GTPBP10: variants seen among roughly 807,000 people sequenced by gnomAD.
The protein encoded by GTPBP10 is GTP binding protein 10.
A neutral mutation model predicts 44.8 loss-of-function variants in GTPBP10; 38 were observed. The ratio of observed to expected loss-of-function variants is 0.85; its 90% CI spans 0.65 to 1.11. The LOEUF (loss-of-function observed/expected upper bound fraction) is 1.11, where lower values mean the gene tolerates loss of function less well. GTPBP10 is among the 50% of genes most tolerant of loss of function. The pLI is 0.00. For missense variants in GTPBP10, 462 were observed against 453.7 expected (o/e 1.02, Z -0.17); for synonymous variants, 152 against 150.6 (o/e 1.01, Z -0.07).
chr7:90,351,792 T>C (rs907610307), intron 1 of GTPBP10, among the ~76,000 whole-genome samples: 1 of 152,084 alleles, frequency 6.6e-6, no homozygotes, highest in Non-Finnish European at 1.5e-5. Context: ...GCCTCCCAGG[T>C]TCATGCCATT....
chr7:90,371,198 A>T, intron 4 of GTPBP10: 1 of 975,932 alleles, frequency 1.0e-6, no homozygotes, highest in Non-Finnish European at 1.2e-6. Context: ...CCACCCAGAG[A>T]TGACTATTAA....
At chr7:90,384,296 A>G (rs1796485030) in intron 9 of GTPBP10, among the ~76,000 whole-genome samples, 1 of 152,176 alleles carries the variant, frequency 6.6e-6, no homozygotes, top group South Asian at 2.1e-4. Flanking sequence ...TCAGTATGCC[A>G]TCTCCCCAGC....
intron 4 of GTPBP10, among the ~76,000 whole-genome samples, chr7:90,365,568 G>C (rs13309879): frequency 0.068 from 10,348 of 151,238 alleles, 393 homozygotes; most frequent in South Asian, 0.15. Context: ...AGTAGAGACG[G>C]GGTTTCACCG....
intron 4 of GTPBP10, among the ~76,000 whole-genome samples, chr7:90,363,137 T>A (rs1796061719): frequency 6.6e-6 from 1 of 152,210 alleles, no homozygotes; most frequent in Non-Finnish European, 1.5e-5. Context: ...CATTTACATT[T>A]AAGGTTAATA....
At chr7:90,348,905 C>A (rs940686643) in intron 1 of GTPBP10, among the ~76,000 whole-genome samples, 1 of 152,144 alleles carries the variant, frequency 6.6e-6, no homozygotes, top group Non-Finnish European at 1.5e-5. Flanking sequence ...GTAGTTTATT[C>A]TGTGTTTTCT....
chr7:90,370,015 G>A (rs140271023), intron 4 of GTPBP10, among the ~76,000 whole-genome samples: 117 of 152,246 alleles, frequency 7.7e-4, no homozygotes, highest in African/African-American at 2.7e-3. Flanking sequence ...GAGGGAGGAA[G>A]GATAGGAGGG....
intron 1 of GTPBP10, among the ~76,000 whole-genome samples, chr7:90,350,476 A>AC (rs113738172): frequency 0.89 from 135,875 of 152,024 alleles, 60,925 homozygotes; most frequent in East Asian, 1. Flanking sequence ...AGGAATCTAG[A>AC]ACTGTCTTCC....
At chr7:90,366,139 T>C (rs1176937506) in intron 4 of GTPBP10, among the ~76,000 whole-genome samples, 5 of 152,192 alleles carry the variant, frequency 3.3e-5, no homozygotes, top group Admixed American at 3.3e-4. Flanking sequence ...GGATAAGCTT[T>C]TTGATGTGCT....
chr7:90,351,067 G>A (rs2115597617), intron 1 of GTPBP10, among the ~76,000 whole-genome samples: 1 of 152,262 alleles, frequency 6.6e-6, no homozygotes, highest in Non-Finnish European at 1.5e-5. Flanking sequence ...AGCATCACAT[G>A]GCCTTTTAAG....
chr7:90,370,016 G>T (rs1796227303), intron 4 of GTPBP10, among the ~76,000 whole-genome samples: 3 of 152,172 alleles, frequency 2.0e-5, no homozygotes, highest in African/African-American at 7.2e-5. Flanking sequence ...AGGGAGGAAG[G>T]ATAGGAGGGC....
intron 1 of GTPBP10, among the ~76,000 whole-genome samples, chr7:90,352,215 C>T (rs1795803514): frequency 6.6e-6 from 1 of 152,152 alleles, no homozygotes; most frequent in Non-Finnish European, 1.5e-5. Flanking sequence ...GTCTGAAAGA[C>T]TTCCATTTGT....
chr7:90,368,534 A>G (rs116009317), intron 4 of GTPBP10, among the ~76,000 whole-genome samples: 4,326 of 152,052 alleles, frequency 0.028, 79 homozygotes, highest in African/African-American at 0.045. Flanking sequence ...TATTTCATTA[A>G]TTTAATCTTC....
In GTPBP10 at chr7:90,372,482, C is replaced by CTTTTTTTTTTTTTTTTTTT. The variant is rs757973599; in HGVS notation, c.538+269_538+270insTTTTTTTTTTTTTTTTTTT. Among the ~76,000 whole-genome samples the CTTTTTTTTTTTTTTTTTTT allele has an allele frequency of 1.7e-3, 193 of 112,142 alleles. 9 individuals are homozygous for CTTTTTTTTTTTTTTTTTTT. The highest frequency in any genetic ancestry group is 2.8e-3 in the African/African-American group (72 of 25,264). 73.6% of individuals were successfully genotyped at this position (112,142 alleles called of 152,430 possible). A position where few individuals can be genotyped will look rare whatever the true frequency, so the allele number is the denominator to read the frequency against. On this transcript the variant is annotated intron_variant, in intron 5 of 9. Coordinates refer to ENST00000222511, the MANE Select transcript of GTPBP10 (RefSeq NM_033107.4). ...GGTATGTGCCACCATGCTTGGCTAA[C>CTTTTTTTTTTTTTTTTTTT]TTTTTTTTTTTTTTTGTGGGGACAG...
At chr7:90,361,211 T>C (rs115647055) in intron 4 of GTPBP10, among the ~76,000 whole-genome samples, 10,430 of 152,232 alleles carry the variant, frequency 0.069, 394 homozygotes, top group South Asian at 0.16. Context: ...TGTGTTGTGC[T>C]GGTTTTCAAA....
intron 9 of GTPBP10, 83 bp downstream of exon 9, chr7:90,383,162 A>G (rs1796461937): frequency 9.7e-7 from 1 of 1,027,186 alleles, no homozygotes; most frequent in Middle Eastern, 2.9e-4. Flanking sequence ...TGGAAAACTG[A>G]CAGTTTCTGC....
chr7:90,364,122 T>C (rs1796084153), intron 4 of GTPBP10, among the ~76,000 whole-genome samples: 1 of 152,236 alleles, frequency 6.6e-6, no homozygotes, highest in Non-Finnish European at 1.5e-5. Context: ...TCTGAAGCCT[T>C]CTTCTCTCAA....
intron 4 of GTPBP10, among the ~76,000 whole-genome samples, chr7:90,365,363 G>GTTTTGTT (rs1230825209): frequency 8.7e-6 from 1 of 114,468 alleles, no homozygotes; most frequent in Non-Finnish European, 1.8e-5. Context: ...AGACTTTGGG[G>GTTTTGTT]TTTTCTTTTT....
At chr7:90,356,963 T>TAAA (rs1285811375) in intron 4 of GTPBP10, among the ~76,000 whole-genome samples, 2 of 152,204 alleles carry the variant, frequency 1.3e-5, no homozygotes, top group Non-Finnish European at 2.9e-5. Flanking sequence ...GGGAAAAAGA[T>TAAA]TTTTAAGTGG....
intron 4 of GTPBP10, among the ~76,000 whole-genome samples, chr7:90,359,301 C>G: frequency 6.6e-6 from 1 of 152,052 alleles, no homozygotes; most frequent in Admixed American, 6.6e-5. Flanking sequence ...CCCCAGACCC[C>G]CACCCCCTGA....
Sources: allele counts gnomAD v4.1 joint callset (sites outside exome capture counted in the v4.1 genomes callset), GRCh38; gene constraint gnomAD v4.1.1; transcripts MANE v1.5; gene names NCBI Gene and HGNC (gene_info 2026-07-23, HGNC 2026-07-21).